The following PPA2 variants were observed in gnomAD, a reference collection of about 807,000 sequenced individuals.
The protein encoded by PPA2 is inorganic pyrophosphatase 2, also known as inorganic pyrophosphatase 2, mitochondrial.
A neutral mutation model predicts 49.5 loss-of-function variants in PPA2; 48 were observed. The observed-to-expected ratio is 0.97, with a 90% CI of 0.77 to 1.23. PPA2 has a LOEUF of 1.23. Ranked by LOEUF, PPA2 falls within the 50% of genes most tolerant of loss-of-function variation. The probability of loss-of-function intolerance (pLI) is 0.00; values close to 1 mark genes in which losing one functional copy is unlikely to be tolerated. For synonymous variants in PPA2, 131 were observed against 139.9 expected (o/e 0.94, Z 0.45); for missense variants, 429 against 410.1 (o/e 1.05, Z -0.40).
At chr4:105,412,672 G>T (rs1353600474) in intron 7 of PPA2, among the ~76,000 whole-genome samples, 1 of 152,068 alleles carries the variant, frequency 6.6e-6, no homozygotes, top group East Asian at 1.9e-4. Context: ...AGTAAGCAAA[G>T]GATATGAACA....
At chr4:105,422,514 G>A (rs1214300096) in intron 7 of PPA2, among the ~76,000 whole-genome samples, 1 of 152,116 alleles carries the variant, frequency 6.6e-6, no homozygotes, top group African/African-American at 2.4e-5. Flanking sequence ...GTCATGCTAG[G>A]CTTATGTGAT....
chr4:105,425,990 T>G (rs1414038967), intron 6 of PPA2, among the ~76,000 whole-genome samples: 1 of 151,996 alleles, frequency 6.6e-6, no homozygotes, highest in Non-Finnish European at 1.5e-5. Flanking sequence ...GCTACCAACC[T>G]AGAATGCCGG....
rs1286567607 is a variant in PPA2, at chr4:105,438,077, A to G, written c.442-41T>C. The G allele has an allele frequency of 3.0e-6, 4 of 1,334,074 alleles. No individual in the cohort carries two copies. In the African/African-American group the frequency reaches 4.5e-5, roughly 15 times the overall value. The allele number at this position is 1,334,074 out of a possible 1,614,324, so 82.6% of individuals were successfully genotyped here. ...TAAAAAAAAGCAGAAATGTAAGTTA[A>G]TACTATAATGTACTTTAATCTTTCC... On this transcript the variant is annotated intron_variant, in intron 5 of 11. Transcript: ENST00000341695.
chr4:105,464,147 G>C (rs1268143494), intron 1 of PPA2, among the ~76,000 whole-genome samples: 2 of 152,222 alleles, frequency 1.3e-5, no homozygotes, highest in African/African-American at 4.8e-5. Flanking sequence ...CAAAGCCACA[G>C]GGGCAGAGCT....
intron 10 of PPA2, among the ~76,000 whole-genome samples, chr4:105,385,183 T>C (rs1486342866): frequency 6.6e-6 from 1 of 152,210 alleles, no homozygotes; most frequent in African/African-American, 2.4e-5. Flanking sequence ...ATCCCACTTC[T>C]GGCATTTTAT....
intron 7 of PPA2, among the ~76,000 whole-genome samples, chr4:105,413,864 A>C (rs1722875946): frequency 6.6e-6 from 1 of 152,266 alleles, no homozygotes; most frequent in Admixed American, 6.5e-5. Flanking sequence ...AAAGTGATGT[A>C]TTAAAAAAGA....
Position 105,453,642 on chromosome 4 carries a change from C to T in PPA2, c.223G>A (p.Glu75Lys). Residue 75 changes from glutamate to lysine, a missense_variant and splice_region_variant, in exon 3 of 12, where the codon GAA (glutamate) becomes AAA (lysine). Transcript: ENST00000341695. The stretch of plus-strand genomic sequence containing the variant: ...GCTTTCTTCATAGGAATGCCATTTT[C>T]CTATAAAAGAAAAGATGGTGAAAGA... ...DIPLKVNSKE[E>K]NGIPMKKARN... 1 of 1,604,358 alleles carries T rather than the reference C, an allele frequency of 6.2e-7. No individual in the cohort carries two copies. The highest frequency in any genetic ancestry group is 1.7e-5 in the Admixed American group (1 of 58,932).
chr4:105,427,402 G>A (rs979165385), intron 6 of PPA2, among the ~76,000 whole-genome samples: 3 of 152,082 alleles, frequency 2.0e-5, no homozygotes, highest in African/African-American at 4.8e-5. Context: ...AAACTTCTCC[G>A]AGCTAGAGGA....
At chr4:105,415,297 T>G (rs1463714065) in intron 7 of PPA2, among the ~76,000 whole-genome samples, 3 of 152,246 alleles carry the variant, frequency 2.0e-5, no homozygotes, top group Non-Finnish European at 4.4e-5. Flanking sequence ...CCAGGCTGTT[T>G]GTGCCAAGCG....
rs777958409 is a variant in PPA2, at chr4:105,386,576, T to G, written c.930A>C (p.Leu310Phe). 11 of 1,611,184 alleles carry G rather than the reference T, an allele frequency of 6.8e-6. No homozygotes were observed. Among genetic ancestry groups the G allele is most frequent in the Non-Finnish European group, 9.3e-6 (11 of 1,177,786 alleles). Residue 310 changes from leucine to phenylalanine, a missense_variant, in exon 10 of 12, where the codon TTA becomes TTC. Physicochemically the swap from Leu to Phe is conservative, Grantham distance 22. Transcript: ENST00000341695. Reference protein sequence around the residue: ...FRCTQEEARSLVESVSSSPNK... With the variant: ...FRCTQEEARSFVESVSSSPNK... ...GATGTTTGCCCCTTACCGATTCAAC[T>G]AATGATCTTGCTTCCTCTTGAGTGC... is the stretch of plus-strand genomic sequence containing the variant.
Position 105,395,375 on chromosome 4 carries a change from C to A in PPA2, c.869+874G>T, listed in dbSNP as rs72964228. 2.6e-5 allele frequency among the ~76,000 whole-genome samples: 4 copies of A among 152,122 alleles called. No individual in the cohort carries two copies. In the South Asian group the frequency reaches 8.3e-4, roughly 32 times the overall value. ...CGTATTCATAGTGTTATCTTTAGTA[C>A]CCCCACAGGACTGCTTTTGCCTCCT... On this transcript the variant is annotated intron_variant, in intron 9 of 11. Transcript: ENST00000341695.
At chr4:105,427,235 A>C (rs1723556878) in intron 6 of PPA2, among the ~76,000 whole-genome samples, 1 of 152,286 alleles carries the variant, frequency 6.6e-6, no homozygotes, top group Non-Finnish European at 1.5e-5. Context: ...AAACCACAAA[A>C]TGGGGAGAAA....
chr4:105,473,702 T>G lies in PPA2; in HGVS notation c.157+192A>C, dbSNP rs955851413. 5 of 912,450 alleles carry G rather than the reference T, an allele frequency of 5.5e-6. No homozygotes were observed. The African/African-American group carries it at 8.1e-5, about 15-fold the overall frequency. 56.5% of individuals were successfully genotyped at this position (912,450 alleles called of 1,614,324 possible). ...CGCTTTGGGGTCTTGATCCGCCGCC[T>G]CCTCGCTGGCAGTTCTCGTGACTCG... is the stretch of plus-strand genomic sequence containing the variant. On this transcript the variant is annotated intron_variant, in intron 1 of 11. Transcript: ENST00000341695.
chr4:105,383,805 A>G (rs1385328799), intron 10 of PPA2, among the ~76,000 whole-genome samples: 2 of 152,052 alleles, frequency 1.3e-5, no homozygotes, highest in African/African-American at 2.4e-5. Flanking sequence ...GGGTCTTCTA[A>G]TTTGTTTCAT....
At chr4:105,385,210 AT>A (rs1320440484) in intron 10 of PPA2, among the ~76,000 whole-genome samples, 6 of 152,194 alleles carry the variant, frequency 3.9e-5, no homozygotes, top group Admixed American at 1.3e-4. Context: ...GTCCCTGCTC[AT>A]TTTTGTCATT....
At chr4:105,455,568 A>G (rs1370909565) in intron 2 of PPA2, among the ~76,000 whole-genome samples, 1 of 152,316 alleles carries the variant, frequency 6.6e-6, no homozygotes, top group East Asian at 1.9e-4. Flanking sequence ...TAAAGCCAGA[A>G]GGATTGAGAT....
At chr4:105,434,353 A>G (rs1723952167) in intron 6 of PPA2, among the ~76,000 whole-genome samples, 1 of 152,224 alleles carries the variant, frequency 6.6e-6, no homozygotes, top group Admixed American at 6.5e-5. Flanking sequence ...AAAGTTGGCT[A>G]TACTGGTTAA....
At position 105,369,588 on chromosome 4, in the gene PPA2, A is replaced by C. The variant is rs1301341073; in HGVS notation, c.*137T>G. 1.4e-6 allele frequency: 1 copy of C among 705,250 alleles called. No individual in the cohort carries two copies. The highest frequency in any genetic ancestry group is 2.4e-6 in the Non-Finnish European group (1 of 413,820). 43.7% of individuals were successfully genotyped at this position (705,250 alleles called of 1,614,324 possible). On this transcript the variant is annotated 3_prime_UTR_variant, in exon 12 of 12. Transcript: ENST00000341695. ...AATTTAAAATTCTTACTGTTTATTT[A>C]TATATTGCATAGCTCAAAAAGTTTG...
chr4:105,417,377 T>C (rs954024056), intron 7 of PPA2, among the ~76,000 whole-genome samples: 2 of 152,134 alleles, frequency 1.3e-5, no homozygotes, highest in Non-Finnish European at 2.9e-5. Context: ...AATTTAGAGA[T>C]GGGAAAAACC....
Sources: gnomAD v4.1 joint callset for allele counts (sites outside exome capture counted in the v4.1 genomes callset) on GRCh38, gnomAD v4.1.1 for gene constraint, MANE v1.5 for transcripts, NCBI Gene and HGNC (gene_info 2026-07-23, HGNC 2026-07-21) for gene names.